CREB5: variants seen among roughly 807,000 people sequenced by gnomAD.
CREB5 encodes the protein cyclic AMP-responsive element-binding protein 5.
CREB5 carries 19 observed loss-of-function variants against 57.1 expected under a neutral mutation model. The observed-to-expected ratio is 0.33, with a 90% confidence interval of 0.23 to 0.49. The LOEUF is 0.49. Among genes scored for constraint, CREB5 ranks in the 20% least tolerant of loss-of-function variants. The pLI is 0.99. For synonymous variants in CREB5, 238 were observed against 238.3 expected (o/e 1.00, Z 0.01); for missense variants, 579 against 671.6 (o/e 0.86, Z 1.52).
Position 28,560,887 on chromosome 7 carries a change from CGTGTGTGT to C in CREB5, c.292-9476_292-9469del, listed in dbSNP as rs1175327761. Among the ~76,000 whole-genome samples, 33 of 13,102 alleles carry C rather than the reference CGTGTGTGT, an allele frequency of 2.5e-3. 4 individuals are homozygous for C. Among genetic ancestry groups the C allele is most frequent in the African/African-American group, 6.3e-3 (18 of 2,856 alleles). The allele number at this position is 13,102 out of a possible 152,430, so 8.6% of individuals were successfully genotyped here. On this transcript the variant is annotated intron_variant, in intron 4 of 10. Coordinates refer to ENST00000357727, the MANE Select transcript of CREB5 (RefSeq NM_182898.4). ...GTGCCTGCGTGCGCGTGCGTGCGTG[CGTGTGTGT>C]GCGTGCGCGCGTGCGTGTGCGTGTG... is the stretch of plus-strand genomic sequence containing the variant.
intron 1 of CREB5, among the ~76,000 whole-genome samples, chr7:28,333,467 G>T (rs1050899816): frequency 4.6e-5 from 7 of 151,996 alleles, no homozygotes; most frequent in African/African-American, 1.7e-4. Flanking sequence ...TCACCTTGCT[G>T]TGCTGTCAAA....
intron 1 of CREB5, among the ~76,000 whole-genome samples, chr7:28,352,170 A>T (rs1274470998): frequency 6.6e-6 from 1 of 152,236 alleles, no homozygotes; most frequent in African/African-American, 2.4e-5. Context: ...TGGGTTGGAC[A>T]ATGATGGAAA....
At chr7:28,463,936 A>G (rs1044989790) in intron 1 of CREB5, among the ~76,000 whole-genome samples, 1 of 152,276 alleles carries the variant, frequency 6.6e-6, no homozygotes, top group African/African-American at 2.4e-5. Context: ...CTTAATTGCC[A>G]TGGCTAAAAC....
intron 1 of CREB5, among the ~76,000 whole-genome samples, chr7:28,345,431 C>T (rs1004871579): frequency 2.0e-5 from 3 of 152,198 alleles, no homozygotes; most frequent in African/African-American, 7.2e-5. Flanking sequence ...TGAGATCCCA[C>T]TGAGCTAACA....
chr7:28,414,276 C>T (rs1055952300), intron 1 of CREB5, among the ~76,000 whole-genome samples: 5 of 105,440 alleles, frequency 4.7e-5, no homozygotes, highest in Admixed American at 1.2e-4. Flanking sequence ...ATTTCTACAG[C>T]AATTTAAGGT....
At chr7:28,479,212 T>A (rs1366778208) in intron 1 of CREB5, among the ~76,000 whole-genome samples, 1 of 152,186 alleles carries the variant, frequency 6.6e-6, no homozygotes. Context: ...TAATTATTCT[T>A]GCAGAAGCCA....
At chr7:28,399,583 T>C (rs931396526) in intron 1 of CREB5, among the ~76,000 whole-genome samples, 8 of 152,146 alleles carry the variant, frequency 5.3e-5, no homozygotes, top group African/African-American at 1.9e-4. Context: ...TGGCTAACCA[T>C]ATGCAGAAGA....
chr7:28,516,664 G>A (rs1272743191), intron 4 of CREB5, among the ~76,000 whole-genome samples: 1 of 152,160 alleles, frequency 6.6e-6, no homozygotes, highest in Non-Finnish European at 1.5e-5. Context: ...CAATTAGGAA[G>A]CTCCGCCTTA....
At chr7:28,394,008 C>T (rs1787282603) in intron 1 of CREB5, among the ~76,000 whole-genome samples, 1 of 134,030 alleles carries the variant, frequency 7.5e-6, no homozygotes, top group South Asian at 2.4e-4. Context: ...CTGGTCAAGG[C>T]TGCAGTGAGC....
chr7:28,741,209 G>A (rs971286120), intron 7 of CREB5, among the ~76,000 whole-genome samples: 3 of 152,116 alleles, frequency 2.0e-5, no homozygotes, highest in Non-Finnish European at 4.4e-5. Context: ...GTGTTTAAAA[G>A]TCAGTCATTC....
chr7:28,638,157 A>G (rs1308513666), intron 5 of CREB5, among the ~76,000 whole-genome samples: 2 of 152,064 alleles, frequency 1.3e-5, no homozygotes, highest in Non-Finnish European at 2.9e-5. Context: ...GTTTATCAGC[A>G]AAGATACGGA....
chr7:28,362,440 A>G (rs888229845), intron 1 of CREB5, among the ~76,000 whole-genome samples: 6 of 152,222 alleles, frequency 3.9e-5, no homozygotes, highest in East Asian at 3.8e-4. Context: ...TATTTTAGTC[A>G]TTTTTAAGTT....
chr7:28,776,935 C>A (rs1041449753), intron 7 of CREB5, among the ~76,000 whole-genome samples: 1 of 152,152 alleles, frequency 6.6e-6, no homozygotes, highest in Admixed American at 6.5e-5. Context: ...ATTTTATTCA[C>A]CCATTCATCA....
chr7:28,371,209 G>A (rs570703385), intron 1 of CREB5, among the ~76,000 whole-genome samples: 28 of 152,112 alleles, frequency 1.8e-4, no homozygotes, highest in Non-Finnish European at 3.1e-4. Context: ...GGTGGCTCAC[G>A]CCTGTAATCC....
At chr7:28,358,103 C>CT (rs926629627) in intron 1 of CREB5, among the ~76,000 whole-genome samples, 2 of 152,130 alleles carry the variant, frequency 1.3e-5, no homozygotes, top group African/African-American at 2.4e-5. Context: ...TGCATACACA[C>CT]TTTTTTTCAG....
At chr7:28,494,876 C>T in intron 2 of CREB5, 30 bp from the exon 3 acceptor site, 1 of 1,390,446 alleles carries the variant, frequency 7.2e-7, no homozygotes, top group Admixed American at 2.8e-5. Context: ...CTCCTCTTCT[C>T]CCCTCCCTTT....
intron 5 of CREB5, among the ~76,000 whole-genome samples, chr7:28,571,134 G>T (rs954367273): frequency 6.6e-6 from 1 of 152,154 alleles, no homozygotes; most frequent in Non-Finnish European, 1.5e-5. Context: ...ACGGTGGACA[G>T]GAGGGATGAT....
chr7:28,437,628 C>G (rs1490085081), intron 1 of CREB5, among the ~76,000 whole-genome samples: 1 of 152,002 alleles, frequency 6.6e-6, no homozygotes, highest in Non-Finnish European at 1.5e-5. Context: ...CTAATTTTAC[C>G]TAACAACAGG....
At chr7:28,391,051 A>G (rs1352239691) in intron 1 of CREB5, among the ~76,000 whole-genome samples, 3 of 152,178 alleles carry the variant, frequency 2.0e-5, no homozygotes, top group African/African-American at 7.2e-5. Context: ...GATATTTTAA[A>G]ATAGAGAAAA....
Sources: allele counts gnomAD v4.1 joint callset (sites outside exome capture counted in the v4.1 genomes callset), GRCh38; gene constraint gnomAD v4.1.1; transcripts MANE v1.5; gene names NCBI Gene and HGNC (gene_info 2026-07-23, HGNC 2026-07-21).